The following PTPRT variants were observed in gnomAD, a reference collection of about 807,000 sequenced individuals.
PTPRT encodes the protein receptor-type tyrosine-protein phosphatase T.
Under a neutral mutation model 176.8 loss-of-function variants are expected in PTPRT, and 56 were observed. That is an observed-to-expected ratio of 0.32 (90% CI 0.26 to 0.40). The LOEUF is 0.40. Among genes scored for constraint, PTPRT ranks in the 10% least tolerant of loss-of-function variants. PTPRT has a pLI of 1.00. For synonymous variants in PTPRT, 783 were observed against 739.0 expected (o/e 1.06, Z -0.96); for missense variants, 1,540 against 1,908.2 (o/e 0.81, Z 3.60).
intron 7 of PTPRT, among the ~76,000 whole-genome samples, chr20:42,586,013 G>T (rs1178250167): frequency 6.6e-6 from 1 of 152,104 alleles, no homozygotes; most frequent in Non-Finnish European, 1.5e-5. Context: ...CAGCTCACTT[G>T]TACTGTCGGT....
At chr20:42,137,173 C>T (rs552111666) in intron 18 of PTPRT, among the ~76,000 whole-genome samples, 34 of 152,294 alleles carry the variant, frequency 2.2e-4, no homozygotes, top group Non-Finnish European at 4.1e-4. Context: ...TTCTGCACCA[C>T]AAGGCATCTG....
At position 42,616,612 on chromosome 20, in the gene PTPRT, C is replaced by A. The variant is rs369357203; in HGVS notation, c.1153+61254G>T. On this transcript the variant is annotated intron_variant, in intron 7 of 30. Transcript: ENST00000373187. ...ATTTGTTTGTATCCTCTTTTATTTC[C>A]TTGAGCAGTGGTTTGTAGTTCTCCT... is the stretch of plus-strand genomic sequence containing the variant. 2.9e-3 allele frequency among the ~76,000 whole-genome samples: 306 copies of A among 103,994 alleles called. 11 individuals are homozygous for A. Among genetic ancestry groups the A allele is most frequent in the African/African-American group, 0.014 (269 of 18,942 alleles). 68.2% of individuals were successfully genotyped at this position (103,994 alleles called of 152,430 possible).
chr20:42,488,316 T>C (rs1419159012), intron 7 of PTPRT, among the ~76,000 whole-genome samples: 2 of 152,204 alleles, frequency 1.3e-5, no homozygotes, highest in African/African-American at 4.8e-5. Flanking sequence ...GACAAAGTAC[T>C]GTCAGATTGC....
At chr20:42,464,409 GT>G (rs907170320) in intron 8 of PTPRT, among the ~76,000 whole-genome samples, 36 of 152,268 alleles carry the variant, frequency 2.4e-4, no homozygotes, top group African/African-American at 8.4e-4. Context: ...AGCGGTAGAG[GT>G]TTTGGCCAGG....
In PTPRT at chr20:42,463,974, GT is replaced by G. The variant is rs543817581; in HGVS notation, c.1450+8291del. Among the ~76,000 whole-genome samples, 168 of 152,180 alleles carry G rather than the reference GT, an allele frequency of 1.1e-3. 3 individuals carry two copies. The highest frequency in any genetic ancestry group is 3.9e-3 in the African/African-American group (162 of 41,538). On this transcript the variant is annotated intron_variant, in intron 8 of 30. Coordinates refer to ENST00000373187, the MANE Select transcript of PTPRT (RefSeq NM_007050.6). Reference sequence around the variant, plus strand: ...ACTATACAGTTGTATGCTACTAAATGTTTCACAACCTGCTCTCCAGGGAAAA... The same window carrying G: ...ACTATACAGTTGTATGCTACTAAATGTTCACAACCTGCTCTCCAGGGAAAA...
At chr20:42,954,329 T>C (rs377186861) in intron 1 of PTPRT, among the ~76,000 whole-genome samples, 3 of 152,068 alleles carry the variant, frequency 2.0e-5, no homozygotes, top group East Asian at 3.9e-4. Context: ...ATGATAAGGC[T>C]CTTGTTTGGT....
intron 9 of PTPRT, among the ~76,000 whole-genome samples, chr20:42,399,978 C>A (rs1192170013): frequency 6.6e-6 from 1 of 152,174 alleles, no homozygotes; most frequent in Non-Finnish European, 1.5e-5. Flanking sequence ...TGAATGTTAA[C>A]AGTTGAGTCC....
intron 11 of PTPRT, among the ~76,000 whole-genome samples, chr20:42,324,474 A>G (rs1204559106): frequency 1.3e-5 from 2 of 152,238 alleles, no homozygotes; most frequent in African/African-American, 4.8e-5. Flanking sequence ...TACATTTACT[A>G]AAGAATTGTA....
intron 1 of PTPRT, chr20:42,966,315 G>A (rs1342930796): frequency 6.6e-6 from 1 of 152,166 alleles, no homozygotes; most frequent in East Asian, 1.9e-4. Context: ...TAATTAGCAT[G>A]CCTGATGTTT....
chr20:42,662,286 A>T (rs1412441330), intron 7 of PTPRT, among the ~76,000 whole-genome samples: 1 of 152,122 alleles, frequency 6.6e-6, no homozygotes, highest in Non-Finnish European at 1.5e-5. Context: ...CTAGGTGTTA[A>T]AGTACCAAAG....
chr20:42,399,440 G>T (rs75590473), intron 9 of PTPRT, among the ~76,000 whole-genome samples: 2 of 152,300 alleles, frequency 1.3e-5, no homozygotes, highest in South Asian at 4.1e-4. Flanking sequence ...GGAGAAAATG[G>T]CAGTGCAAAC....
chr20:42,307,791 T>C (rs1403976678), intron 12 of PTPRT, among the ~76,000 whole-genome samples: 2 of 152,104 alleles, frequency 1.3e-5, no homozygotes, highest in Non-Finnish European at 2.9e-5. Flanking sequence ...TGGGCTGTAT[T>C]CTCAGGAGGT....
intron 8 of PTPRT, among the ~76,000 whole-genome samples, chr20:42,450,454 T>C (rs1210607829): frequency 6.6e-6 from 1 of 152,190 alleles, no homozygotes; most frequent in East Asian, 1.9e-4. Context: ...CAGATTTTGT[T>C]TTCAGCCTAA....
intron 1 of PTPRT, among the ~76,000 whole-genome samples, chr20:43,007,977 C>T (rs1984935168): frequency 6.6e-6 from 1 of 152,136 alleles, no homozygotes; most frequent in South Asian, 2.1e-4. Context: ...TAGCTCAGTC[C>T]CTGGCACATG....
At position 42,787,848 on chromosome 20, in the gene PTPRT, T is replaced by C. The variant is rs563227721; in HGVS notation, c.486+3347A>G. ...ATTTCTTGTGAGTGTGTGTAAGTTT[T>C]GCTGTAGAAATATTACATTTGATTA... is the stretch of plus-strand genomic sequence containing the variant. On this transcript the variant is annotated intron_variant, in intron 3 of 30. Transcript: ENST00000373187. 2.0e-5 allele frequency among the ~76,000 whole-genome samples: 3 copies of C among 152,336 alleles called. No individual in the cohort carries two copies. The East Asian group carries it at 5.8e-4, about 29-fold the overall frequency.
intron 1 of PTPRT, among the ~76,000 whole-genome samples, chr20:42,943,037 A>G (rs1205947583): frequency 6.6e-6 from 1 of 152,186 alleles, no homozygotes; most frequent in African/African-American, 2.4e-5. Flanking sequence ...GTTTGTTGTC[A>G]TTTACAGTTT....
chr20:42,548,665 A>C (rs1408307887), intron 7 of PTPRT, among the ~76,000 whole-genome samples: 1 of 152,158 alleles, frequency 6.6e-6, no homozygotes, highest in East Asian at 1.9e-4. Flanking sequence ...TATATTCAGT[A>C]AAATAAGCAG....
At chr20:42,888,085 T>C (rs2079131854) in intron 1 of PTPRT, among the ~76,000 whole-genome samples, 1 of 152,186 alleles carries the variant, frequency 6.6e-6, no homozygotes, top group Non-Finnish European at 1.5e-5. Flanking sequence ...TAACTTTCTA[T>C]TTTTTAAATA....
chr20:42,393,577 C>A (rs982740059), intron 9 of PTPRT, among the ~76,000 whole-genome samples: 1 of 152,198 alleles, frequency 6.6e-6, no homozygotes, highest in African/African-American at 2.4e-5. Context: ...TTCTCAATAA[C>A]ACACAAGTTG....
Sources: gnomAD v4.1 joint callset for allele counts (sites outside exome capture counted in the v4.1 genomes callset) on GRCh38, gnomAD v4.1.1 for gene constraint, MANE v1.5 for transcripts, NCBI Gene and HGNC (gene_info 2026-07-23, HGNC 2026-07-21) for gene names.